Variants in SGSM1 observed in about 807,000 individuals in gnomAD.
SGSM1 encodes small G protein signaling modulator 1.
Under a neutral mutation model 133.8 loss-of-function variants are expected in SGSM1, and 73 were observed. The observed-to-expected ratio is 0.55, with a 90% CI of 0.45 to 0.66. SGSM1 has a LOEUF of 0.66. Ranked by LOEUF, SGSM1 falls within the 30% of genes least tolerant of loss-of-function variation. The pLI is 0.00. For synonymous variants in SGSM1, 563 were observed against 573.0 expected (o/e 0.98, Z 0.25); for missense variants, 1,213 against 1,448.1 (o/e 0.84, Z 2.64).
chr22:24,875,708 C>G (rs999999509), intron 12 of SGSM1, among the ~76,000 whole-genome samples: 4 of 151,726 alleles, frequency 2.6e-5, no homozygotes, highest in Non-Finnish European at 5.9e-5. Context: ...TCTAGGACTA[C>G]CAAGAGGCCA....
chr22:24,855,142 C>T, intron 6 of SGSM1, 79 bp downstream of exon 6: 1 of 1,557,962 alleles, frequency 6.4e-7, no homozygotes, highest in South Asian at 1.2e-5. Context: ...GACTCTCTCA[C>T]CCCTGTCCAG....
intron 3 of SGSM1, 36 bp from the exon 4 acceptor site, chr22:24,847,598 G>A (rs755129335): frequency 1.9e-6 from 3 of 1,603,044 alleles, no homozygotes; most frequent in Non-Finnish European, 1.7e-6. Context: ...GAGTGCATGG[G>A]CAGGGCAGGG....
intron 2 of SGSM1, among the ~76,000 whole-genome samples, chr22:24,828,990 G>A (rs1409990002): frequency 1.3e-5 from 2 of 152,012 alleles, no homozygotes; most frequent in Admixed American, 6.6e-5. Flanking sequence ...CTAGGAGATC[G>A]AGACAATCCT....
At chr22:24,905,510 G>T (rs570159620) in intron 21 of SGSM1, among the ~76,000 whole-genome samples, 1 of 152,138 alleles carries the variant, frequency 6.6e-6, no homozygotes, top group African/African-American at 2.4e-5. Flanking sequence ...AATGCCAGCC[G>T]GGCACAGTGG....
chr22:24,891,837 G>A (rs16979196), intron 16 of SGSM1, among the ~76,000 whole-genome samples: 13,940 of 152,056 alleles, frequency 0.092, 868 homozygotes, highest in African/African-American at 0.16. Context: ...ATTACTTTTC[G>A]GGCCAAGAGG....
intron 12 of SGSM1, among the ~76,000 whole-genome samples, chr22:24,872,883 C>T (rs927770504): frequency 6.6e-6 from 1 of 151,642 alleles, no homozygotes. Context: ...TGTGCCATTG[C>T]GCTCCAGCCT....
intron 12 of SGSM1, among the ~76,000 whole-genome samples, chr22:24,871,593 G>A (rs926782803): frequency 1.1e-4 from 16 of 152,118 alleles, no homozygotes; most frequent in African/African-American, 3.9e-4. Context: ...ATTTTGCAAG[G>A]AGGAAACTGA....
chr22:24,809,504 C>G (rs1427608875), intron 2 of SGSM1, among the ~76,000 whole-genome samples: 1 of 152,234 alleles, frequency 6.6e-6, no homozygotes, highest in East Asian at 1.9e-4. Flanking sequence ...CCACTGCAGC[C>G]ACGAAGGGGC....
In SGSM1 at chr22:24,844,938, C is replaced by A. The variant is rs754038368; in HGVS notation, c.105C>A (p.Val35=). 1 of 1,613,818 alleles carries A rather than the reference C, an allele frequency of 6.2e-7. No individual in the cohort carries two copies. The highest frequency in any genetic ancestry group is 1.1e-5 in the South Asian group (1 of 91,044). Residue 35 remains valine (V), a synonymous_variant, in exon 3 of 25, where the codon GTC becomes GTA. Transcript: ENST00000400358. ...IMEEAVTRKF[V]HEDSSHIISF... ...AGGAGGCTGTGACACGCAAGTTTGT[C>A]CACGAAGACAGCAGCCACATCATCT...
intron 14 of SGSM1, among the ~76,000 whole-genome samples, chr22:24,883,831 C>T (rs1234806637): frequency 6.6e-6 from 1 of 152,188 alleles, no homozygotes; most frequent in Non-Finnish European, 1.5e-5. Context: ...TGGCGCGTGC[C>T]TCTGGTCCCA....
chr22:24,838,411 A>C (rs945671427), intron 2 of SGSM1, among the ~76,000 whole-genome samples: 1 of 152,214 alleles, frequency 6.6e-6, no homozygotes, highest in Admixed American at 6.5e-5. Context: ...GAAAACAAGA[A>C]CTAGGGAGCA....
At chr22:24,829,593 C>T (rs1285296697) in intron 2 of SGSM1, among the ~76,000 whole-genome samples, 1 of 152,190 alleles carries the variant, frequency 6.6e-6, no homozygotes, top group East Asian at 1.9e-4. Flanking sequence ...TTCAAAACAG[C>T]CTCCAGCTTC....
intron 3 of SGSM1, among the ~76,000 whole-genome samples, chr22:24,846,349 T>C (rs1034662845): frequency 2.6e-5 from 4 of 151,818 alleles, no homozygotes; most frequent in African/African-American, 4.8e-5. Flanking sequence ...TTTAAACATA[T>C]AGCTCTACAC....
At chr22:24,904,832 A>G (rs1455635663) in intron 20 of SGSM1, among the ~76,000 whole-genome samples, 1 of 152,186 alleles carries the variant, frequency 6.6e-6, no homozygotes, top group Non-Finnish European at 1.5e-5. Flanking sequence ...TTGTACCCCC[A>G]GTAAAGGAGT....
chr22:24,868,552 C>T lies in SGSM1; in HGVS notation c.1158+13C>T. On this transcript the variant is annotated intron_variant, in intron 11 of 24. Transcript: ENST00000400358. Reference sequence around the variant, plus strand: ...CCAGAGGGGTAAGGTGAGTGATCATCGGGACCCAGGGAGGCTGGGGTGGAG... The same window carrying T: ...CCAGAGGGGTAAGGTGAGTGATCATTGGGACCCAGGGAGGCTGGGGTGGAG... 1 of 1,613,624 alleles carries T rather than the reference C, an allele frequency of 6.2e-7. No homozygotes were observed. Among genetic ancestry groups the T allele is most frequent in the Non-Finnish European group, 8.5e-7 (1 of 1,179,802 alleles).
At chr22:24,875,003 G>A (rs879718278) in intron 12 of SGSM1, among the ~76,000 whole-genome samples, 8 of 152,194 alleles carry the variant, frequency 5.3e-5, no homozygotes, top group African/African-American at 1.2e-4. Flanking sequence ...GAATTACATC[G>A]TACAGGCAGC....
intron 21 of SGSM1, among the ~76,000 whole-genome samples, chr22:24,908,285 G>A (rs1933480615): frequency 6.6e-6 from 1 of 152,056 alleles, no homozygotes; most frequent in African/African-American, 2.4e-5. Flanking sequence ...GTAAATCTTT[G>A]TCACCTTGGG....
intron 19 of SGSM1, among the ~76,000 whole-genome samples, chr22:24,899,722 C>T (rs188753000): frequency 3.8e-4 from 57 of 151,998 alleles, no homozygotes; most frequent in Middle Eastern, 3.4e-3. Context: ...AGGGTTTCAC[C>T]GGGTTGGCCA....
chr22:24,831,137 G>C (rs150936955), intron 2 of SGSM1, among the ~76,000 whole-genome samples: 5 of 152,174 alleles, frequency 3.3e-5, no homozygotes, highest in African/African-American at 1.2e-4. Flanking sequence ...GGAGGTCAGC[G>C]TGCAGGAGGG....
Sources: allele counts gnomAD v4.1 joint callset (sites outside exome capture counted in the v4.1 genomes callset), GRCh38; gene constraint gnomAD v4.1.1; transcripts MANE v1.5; gene names NCBI Gene and HGNC (gene_info 2026-07-23, HGNC 2026-07-21).